GRIK4: variants seen among roughly 807,000 people sequenced by gnomAD.
The protein encoded by GRIK4 is glutamate receptor ionotropic, kainate 4.
Under a neutral mutation model 104.9 loss-of-function variants are expected in GRIK4, and 40 were observed. The ratio of observed to expected loss-of-function variants is 0.38; its 90% CI spans 0.30 to 0.50. GRIK4 has a LOEUF of 0.50. GRIK4 is among the 20% of genes least tolerant of loss of function. The pLI is 0.93. For synonymous variants in GRIK4, 485 were observed against 524.9 expected, an observed-to-expected ratio of 0.92 and a Z score of 1.04; for missense variants, 1,047 against 1,308.1, an observed-to-expected ratio of 0.80 and a Z score of 3.08.
At chr11:120,514,533 C>T (rs1947700624) in intron 1 of GRIK4, among the ~76,000 whole-genome samples, 1 of 152,176 alleles carries the variant, frequency 6.6e-6, no homozygotes, top group South Asian at 2.1e-4. Flanking sequence ...TTGGTCCTGC[C>T]TGTTCCTCAG....
intron 3 of GRIK4, among the ~76,000 whole-genome samples, chr11:120,676,920 AAAACCTTCTCATGAGC>A (rs1367893658): frequency 6.6e-6 from 1 of 152,222 alleles, no homozygotes; most frequent in Non-Finnish European, 1.5e-5. Context: ...AAGCCGCTGG[AAAACCTTCTCATGAGC>A]AGTTCCATGT....
chr11:120,626,273 A>G (rs1199983104), intron 1 of GRIK4, among the ~76,000 whole-genome samples: 1 of 152,210 alleles, frequency 6.6e-6, no homozygotes, highest in African/African-American at 2.4e-5. Flanking sequence ...TGCTGGTGAC[A>G]GATGACCCAA....
At chr11:120,832,123 C>A in intron 7 of GRIK4, 93 bp downstream of exon 7, 1 of 824,404 alleles carries the variant, frequency 1.2e-6, no homozygotes, top group South Asian at 1.8e-5. Flanking sequence ...CTGACGGAGC[C>A]CCGGGCTGGA....
At chr11:120,733,078 A>G (rs1377466283) in intron 3 of GRIK4, among the ~76,000 whole-genome samples, 1 of 152,164 alleles carries the variant, frequency 6.6e-6, no homozygotes, top group Non-Finnish European at 1.5e-5. Flanking sequence ...TGACCTCTTT[A>G]TCATTATATA....
chr11:120,850,766 A>C (rs1953954202), intron 8 of GRIK4, among the ~76,000 whole-genome samples: 1 of 131,440 alleles, frequency 7.6e-6, no homozygotes, highest in Non-Finnish European at 1.7e-5. Context: ...GCAGAAGGAG[A>C]CTGAAAATAA....
intron 1 of GRIK4, among the ~76,000 whole-genome samples, chr11:120,587,342 G>A (rs1190877965): frequency 2.0e-5 from 3 of 151,986 alleles, no homozygotes; most frequent in Non-Finnish European, 4.4e-5. Flanking sequence ...CTTTGACATG[G>A]AAAAAAATCT....
intron 3 of GRIK4, among the ~76,000 whole-genome samples, chr11:120,662,996 G>A (rs1245837909): frequency 6.6e-6 from 1 of 152,162 alleles, no homozygotes; most frequent in Non-Finnish European, 1.5e-5. Flanking sequence ...TTTACCCCTC[G>A]AATGAGGTTT....
chr11:120,697,237 C>G (rs1950464978), intron 3 of GRIK4, among the ~76,000 whole-genome samples: 1 of 152,212 alleles, frequency 6.6e-6, no homozygotes, highest in Non-Finnish European at 1.5e-5. Flanking sequence ...TTCAGGGGAA[C>G]AGTGGCAGAC....
intron 1 of GRIK4, among the ~76,000 whole-genome samples, chr11:120,514,256 G>C (rs1451093739): frequency 6.6e-6 from 1 of 152,144 alleles, no homozygotes; most frequent in African/African-American, 2.4e-5. Flanking sequence ...ATGTGTGTAT[G>C]GGGTTCTGCA....
intron 3 of GRIK4, among the ~76,000 whole-genome samples, chr11:120,785,897 C>T (rs956064936): frequency 9.9e-5 from 15 of 152,206 alleles, no homozygotes; most frequent in African/African-American, 3.1e-4. Context: ...CCCCACTCAG[C>T]GGGGTTGCCA....
chr11:120,762,115 C>T (rs1003074730), intron 3 of GRIK4, among the ~76,000 whole-genome samples: 7 of 152,074 alleles, frequency 4.6e-5, no homozygotes, highest in Admixed American at 6.5e-5. Flanking sequence ...CTCTTATTTC[C>T]TTGAGCAGTG....
At chr11:120,809,129 T>C (rs11218012) in intron 4 of GRIK4, among the ~76,000 whole-genome samples, 17,276 of 152,214 alleles carry the variant, frequency 0.11, 3,121 homozygotes, top group African/African-American at 0.38. Flanking sequence ...CCTGTGAAGA[T>C]GCAGGAAAGG....
rs142410143 is a variant in GRIK4, at chr11:120,596,098, G to A, written c.-158-57587G>A. 6.6e-3 allele frequency among the ~76,000 whole-genome samples: 1,012 copies of A among 152,272 alleles called. 14 individuals carry two copies. The highest frequency in any genetic ancestry group is 0.022 in the African/African-American group (914 of 41,558). On this transcript the variant is annotated intron_variant, in intron 1 of 20. Transcript: ENST00000527524. ...TTGACCTCAATAATCCGCCCGTCTCGGCCTCCCAGAGTGCTGGGATTACAG... is the reference window on the plus strand; with the variant it reads ...TTGACCTCAATAATCCGCCCGTCTCAGCCTCCCAGAGTGCTGGGATTACAG...
chr11:120,876,615 T>G (rs1954827870), intron 11 of GRIK4, among the ~76,000 whole-genome samples: 1 of 151,912 alleles, frequency 6.6e-6, no homozygotes, highest in South Asian at 2.1e-4. Context: ...AGATACTTTT[T>G]ATTAGTCCCA....
chr11:120,673,041 G>T (rs10892598), intron 3 of GRIK4, among the ~76,000 whole-genome samples: 23,685 of 152,126 alleles, frequency 0.16, 2,012 homozygotes, highest in South Asian at 0.23. Flanking sequence ...TTGCCCAGTC[G>T]GTATGATATT....
chr11:120,878,846 T>A (rs1322266389), intron 11 of GRIK4, among the ~76,000 whole-genome samples: 1 of 152,172 alleles, frequency 6.6e-6, no homozygotes, highest in Non-Finnish European at 1.5e-5. Context: ...TGATAATTAA[T>A]TGGGCCTCTC....
intron 1 of GRIK4, among the ~76,000 whole-genome samples, chr11:120,615,718 G>A (rs1949103462): frequency 6.6e-6 from 1 of 152,182 alleles, no homozygotes; most frequent in African/African-American, 2.4e-5. Context: ...ATCAGGCTTT[G>A]TGATTGCAGC....
At chr11:120,664,581 A>G (rs1949873964) in intron 3 of GRIK4, among the ~76,000 whole-genome samples, 1 of 152,202 alleles carries the variant, frequency 6.6e-6, no homozygotes, top group African/African-American at 2.4e-5. Flanking sequence ...AGCTAGTGAA[A>G]TTTGAACCTG....
intron 3 of GRIK4, among the ~76,000 whole-genome samples, chr11:120,791,415 A>T (rs1952391817): frequency 6.6e-6 from 1 of 152,214 alleles, no homozygotes; most frequent in Non-Finnish European, 1.5e-5. Flanking sequence ...CTTTGGTGAA[A>T]TGTCTATTCG....
Sources: allele counts gnomAD v4.1 joint callset (sites outside exome capture counted in the v4.1 genomes callset), GRCh38; gene constraint gnomAD v4.1.1; transcripts MANE v1.5; gene names NCBI Gene and HGNC (gene_info 2026-07-23, HGNC 2026-07-21).